CDC42BPA: variants seen among roughly 807,000 people sequenced by gnomAD.
CDC42BPA encodes CDC42 binding protein kinase alpha, also known as serine/threonine-protein kinase MRCK alpha.
Under a neutral mutation model 223.5 loss-of-function variants are expected in CDC42BPA, and 80 were observed. That is an observed-to-expected ratio of 0.36 (90% CI 0.30 to 0.43). CDC42BPA has a LOEUF of 0.43. Ranked by LOEUF, CDC42BPA falls within the 20% of genes least tolerant of loss-of-function variation. The probability of loss-of-function intolerance (pLI) is 1.00; values close to 1 mark genes in which losing one functional copy is unlikely to be tolerated. For synonymous variants in CDC42BPA, 694 were observed against 718.6 expected (o/e 0.97, Z 0.55); for missense variants, 1,743 against 2,099.9 (o/e 0.83, Z 3.32).
At chr1:227,082,230 C>T (rs1680833228) in intron 16 of CDC42BPA, among the ~76,000 whole-genome samples, 1 of 131,788 alleles carries the variant, frequency 7.6e-6, no homozygotes, top group Admixed American at 8.1e-5. Flanking sequence ...TTTTTTTGTA[C>T]AGATGGGGTC....
chr1:227,157,931 T>C (rs1285475908), intron 6 of CDC42BPA, among the ~76,000 whole-genome samples: 1 of 151,138 alleles, frequency 6.6e-6, no homozygotes, highest in Non-Finnish European at 1.5e-5. Context: ...ACATTTTCCT[T>C]TGTTTTCTTA....
chr1:227,145,689 T>G lies in CDC42BPA; in HGVS notation c.943A>C (p.Lys315Gln). The change falls in exon 8 of 37, where the codon AAG becomes CAG. Residue 315 changes from lysine (K) to glutamine (Q), a missense_variant. Lys to Gln is a moderately conservative substitution (Grantham distance 53). Coordinates refer to ENST00000366766, the MANE Select transcript of CDC42BPA (RefSeq NM_001394014.1). The stretch of plus-strand genomic sequence containing the variant: ...CAAATGAGCCTTCGAATAAGATCCT[T>G]AGCATTTTCAGACACATCAGTCACT... Reference protein sequence around the residue: ...AQVTDVSENAKDLIRRLICSR... With the variant: ...AQVTDVSENAQDLIRRLICSR... 1 of 1,613,670 alleles carries G rather than the reference T, an allele frequency of 6.2e-7. No individual in the cohort carries two copies. The highest frequency in any genetic ancestry group is 8.5e-7 in the Non-Finnish European group (1 of 1,179,646).
rs750122029 is a variant in CDC42BPA, at chr1:227,101,300, TTC to T, written c.2002-63_2002-62del. The T allele has an allele frequency of 1.3e-5, 14 of 1,046,584 alleles. No individual in the cohort carries two copies. The East Asian group carries it at 3.6e-4, about 27-fold the overall frequency. 64.8% of individuals were successfully genotyped at this position (1,046,584 alleles called of 1,614,324 possible). A position where few individuals can be genotyped will look rare whatever the true frequency, so the allele number is the denominator to read the frequency against. ...AAGAATAATAAAATATTTAAATAAC[TTC>T]TTTCTGTAATATAAATGAGTATTCA... On this transcript the variant is annotated intron_variant, in intron 14 of 36. Transcript: ENST00000366766.
intron 21 of CDC42BPA, among the ~76,000 whole-genome samples, chr1:227,061,335 T>C (rs1675890451): frequency 6.6e-6 from 1 of 152,180 alleles, no homozygotes. Context: ...GTGCAGAGTA[T>C]ATGCAGATCG....
chr1:227,151,980 C>T (rs994293240), intron 6 of CDC42BPA, among the ~76,000 whole-genome samples: 1 of 151,566 alleles, frequency 6.6e-6, no homozygotes, highest in African/African-American at 2.4e-5. Context: ...GCCGAGATCA[C>T]GCCACTGACA....
At chr1:227,259,706 A>C (rs1054404093) in intron 1 of CDC42BPA, among the ~76,000 whole-genome samples, 3 of 151,022 alleles carry the variant, frequency 2.0e-5, no homozygotes, top group Non-Finnish European at 2.9e-5. Context: ...CTTGACTAGT[A>C]AGTCACAGTA....
At chr1:226,998,060 T>A (rs1441049814) in intron 35 of CDC42BPA, among the ~76,000 whole-genome samples, 1 of 152,046 alleles carries the variant, frequency 6.6e-6, no homozygotes, top group African/African-American at 2.4e-5. Context: ...ACAAACAGAA[T>A]AAAATACCTA....
chr1:227,193,697 C>A, intron 5 of CDC42BPA, 89 bp downstream of exon 5: 16 of 1,066,676 alleles, frequency 1.5e-5, no homozygotes, highest in South Asian at 7.9e-5. Context: ...TATCCAAGAC[C>A]ATAATTAATA....
intron 1 of CDC42BPA, among the ~76,000 whole-genome samples, chr1:227,299,439 T>C (rs1010158733): frequency 6.6e-6 from 1 of 152,152 alleles, no homozygotes; most frequent in Non-Finnish European, 1.5e-5. Flanking sequence ...TTTTTTTAAA[T>C]GGAATGGTTT....
chr1:227,050,937 T>C (rs1462610022), intron 22 of CDC42BPA, among the ~76,000 whole-genome samples: 10 of 152,176 alleles, frequency 6.6e-5, no homozygotes, highest in African/African-American at 2.2e-4. Context: ...GTGGGTGATA[T>C]TTACATGGGT....
chr1:227,182,701 C>T (rs1668135548), intron 5 of CDC42BPA, among the ~76,000 whole-genome samples: 1 of 152,086 alleles, frequency 6.6e-6, no homozygotes, highest in African/African-American at 2.4e-5. Flanking sequence ...GCCTAATTGG[C>T]TGGTAAAGTA....
chr1:227,163,108 ATATG>A (rs1393857531), intron 5 of CDC42BPA, among the ~76,000 whole-genome samples: 1 of 59,024 alleles, frequency 1.7e-5, no homozygotes, highest in South Asian at 5.5e-4. Context: ...TTCCAAACAT[ATATG>A]TGTGTATGTT....
At chr1:227,297,538 T>A (rs898878221) in intron 1 of CDC42BPA, among the ~76,000 whole-genome samples, 4 of 152,162 alleles carry the variant, frequency 2.6e-5, no homozygotes, top group Non-Finnish European at 5.9e-5. Context: ...ACAACGCAAG[T>A]ATCCATCAAC....
Position 227,160,620 on chromosome 1 carries a change from T to C in CDC42BPA, c.616A>G (p.Asn206Asp), listed in dbSNP as rs1380101337. Residue 206 changes from asparagine to aspartate, a missense_variant, in exon 6 of 37, where the codon AAT (asparagine) becomes GAT (aspartate). Asn to Asp is a conservative substitution (Grantham distance 23). Around this residue, in one of 6 missense-constraint regions of CDC42BPA, gnomAD observed 321 missense variants for 488.7 expected, o/e 0.66. Coordinates refer to ENST00000366766, the MANE Select transcript of CDC42BPA (RefSeq NM_001394014.1). ...HYVHRDIKPD[N>D]ILMDMNGHIR... ...TGTCCATTCATATCCATCAGTATAT[T>C]GTCAGGTTTAATGTCTCTGAAAAAA... 5 of 1,596,322 alleles carry C rather than the reference T, an allele frequency of 3.1e-6. No individual in the cohort carries two copies. The highest frequency in any genetic ancestry group is 8.6e-7 in the Non-Finnish European group (1 of 1,166,118).
At chr1:227,183,955 T>C (rs1188499836) in intron 5 of CDC42BPA, among the ~76,000 whole-genome samples, 2 of 152,224 alleles carry the variant, frequency 1.3e-5, no homozygotes. Flanking sequence ...AATATCAGTA[T>C]ATTGAACATC....
At chr1:227,253,571 G>A (rs1682491329) in intron 2 of CDC42BPA, among the ~76,000 whole-genome samples, 2 of 151,766 alleles carry the variant, frequency 1.3e-5, no homozygotes, top group South Asian at 4.2e-4. Context: ...GCTCCAGCCT[G>A]GGCAACAGAG....
At chr1:227,034,516 T>G in intron 26 of CDC42BPA, 139 bp downstream of exon 26, 1 of 771,524 alleles carries the variant, frequency 1.3e-6, no homozygotes. Flanking sequence ...TCAATTCTGT[T>G]TCTATAGCAA....
chr1:227,167,929 G>A (rs2149885377), intron 5 of CDC42BPA, among the ~76,000 whole-genome samples: 1 of 61,168 alleles, frequency 1.6e-5, no homozygotes, highest in Middle Eastern at 0.01. Context: ...AAATTCTTCT[G>A]TTCTTTTTTT....
intron 2 of CDC42BPA, among the ~76,000 whole-genome samples, chr1:227,247,825 T>C (rs1460569208): frequency 2.0e-5 from 3 of 151,582 alleles, no homozygotes. Flanking sequence ...GAGGCTGCAG[T>C]GAGCCGAGAT....
Sources: gnomAD v4.1 joint callset for allele counts (sites outside exome capture counted in the v4.1 genomes callset) on GRCh38, gnomAD v4.1.1 for gene constraint, gnomAD v4.1.1 regional missense constraint, MANE v1.5 for transcripts, NCBI Gene and HGNC (gene_info 2026-07-23, HGNC 2026-07-21) for gene names.